The following ZNF226 variants were observed in gnomAD, a reference collection of about 807,000 sequenced individuals.
ZNF226 encodes the protein zinc finger protein 226, also known as Kruppel-associated box protein.
In ZNF226, 6 loss-of-function variants were observed where a neutral mutation model predicts 11.4. The observed-to-expected ratio is 0.53, with a 90% CI of 0.29 to 1.04. ZNF226 has a LOEUF of 1.04. Among genes scored for constraint, ZNF226 ranks in the 50% least tolerant of loss-of-function variants. The pLI, the probability that ZNF226 is intolerant of heterozygous loss-of-function variation, is 0.08. For missense variants in ZNF226, 1,058 were observed against 956.5 expected, an observed-to-expected ratio of 1.11 and a Z score of -1.40; for synonymous variants, 350 against 322.8, an observed-to-expected ratio of 1.08 and a Z score of -0.90.
downstream of ZNF226, chr19:44,177,881 G>A (rs1025174631): frequency 2.3e-5 from 12 of 513,952 alleles, no homozygotes; most frequent in African/African-American, 2.1e-4. Context: ...TTTTTCTCAG[G>A]CCTTTTATAA....
At chr19:44,190,692 A>C in the ZNF226 span, among the ~76,000 whole-genome samples, 4 of 152,336 alleles carry the variant, frequency 2.6e-5, no homozygotes, top group East Asian at 7.7e-4. Flanking sequence ...GGCAGACTTC[A>C]GACTTTGTTT....
chr19:44,166,322 G>A (rs1969370734), intron 2 of ZNF226, among the ~76,000 whole-genome samples: 1 of 152,120 alleles, frequency 6.6e-6, no homozygotes, highest in African/African-American at 2.4e-5. Context: ...CCAACATGGC[G>A]AAACCCCATC....
At position 44,176,238 on chromosome 19, in the gene ZNF226, C is replaced by T; in HGVS notation, c.976C>T (p.Gln326Ter). The change falls in exon 6 of 6, where the codon CAG (glutamine) becomes TAG (stop). Residue 326 changes from glutamine to a stop codon, truncating the protein, a stop_gained. Coordinates refer to ENST00000337433, the MANE Select transcript of ZNF226 (RefSeq NM_001032373.2). LOFTEE classifies it low-confidence loss of function (END_TRUNC). ...TCAGGGCGCTCATCTACAGACCCAT[C>T]AGAAAGTCCACGTGATAGAGAAACC... ...FSQGAHLQTH[Q>*]KVHVIEKPYK... 2 of 1,614,124 alleles carry T rather than the reference C, an allele frequency of 1.2e-6. No homozygotes were observed. The highest frequency in any genetic ancestry group is 2.2e-5 in the East Asian group (1 of 44,888).
At chr19:44,169,834 C>T (rs955826213) in intron 2 of ZNF226, among the ~76,000 whole-genome samples, 3 of 152,184 alleles carry the variant, frequency 2.0e-5, no homozygotes, top group African/African-American at 7.2e-5. Flanking sequence ...GGCAGTGAGG[C>T]CACTGTGTGG....
chr19:44,188,052 A>G, the ZNF226 span, among the ~76,000 whole-genome samples: 6 of 152,116 alleles, frequency 3.9e-5, no homozygotes, highest in African/African-American at 1.4e-4. Flanking sequence ...AACATGGTCT[A>G]TCTTGGAGAA....
At position 44,170,060 on chromosome 19, in the gene ZNF226, C is replaced by T. The variant is rs564949327; in HGVS notation, c.-21C>T. The T allele has an allele frequency of 6.3e-5, 101 of 1,609,208 alleles. No individual in the cohort carries two copies. Among genetic ancestry groups the T allele is most frequent in the South Asian group, 1.7e-4 (15 of 90,468 alleles). ...TTCAGCTTCTTAGGACTCTGCACTT[C>T]CCCAGAAGGAAGAATTAAAAATGAA... On this transcript the variant is annotated 5_prime_UTR_variant, in exon 3 of 6. Transcript: ENST00000337433.
At chr19:44,196,886 T>C in the ZNF226 span, among the ~76,000 whole-genome samples, 4 of 152,152 alleles carry the variant, frequency 2.6e-5, no homozygotes, top group African/African-American at 9.7e-5. Context: ...AAAATGTCCT[T>C]GTCCCTAAAA....
chr19:44,185,014 C>T, the ZNF226 span, among the ~76,000 whole-genome samples: 1 of 152,178 alleles, frequency 6.6e-6, no homozygotes, highest in Admixed American at 6.5e-5. Flanking sequence ...TAGACTCTTA[C>T]AGTATTTGCC....
downstream of ZNF226, chr19:44,177,825 T>C: frequency 1.1e-6 from 1 of 892,866 alleles, no homozygotes; most frequent in South Asian, 2.1e-5. Context: ...GTCAGAACCT[T>C]GACCTTTATA....
rs757325506 is a variant in ZNF226 at position 44,170,094 on chromosome 19, A to G, written c.14A>G (p.Lys5Arg). ...GAAGAATTAAAAATGAATATGTTCA[A>G]GGTGAGTAGAGCTTGCCTTTCCCAG... Reference protein sequence around the residue: MNMFKEAVTFKDVAV... With the variant: MNMFREAVTFKDVAV... The change falls in exon 3 of 6, where the codon AAG becomes AGG. Residue 5 changes from lysine (K) to arginine (R), a missense_variant and splice_region_variant. Physicochemically the swap from Lys to Arg is conservative, Grantham distance 26 (BLOSUM62 2). Transcript: ENST00000337433. 6.2e-7 allele frequency: 1 copy of G among 1,612,642 alleles called. No individual in the cohort carries two copies. Among genetic ancestry groups the G allele is most frequent in the East Asian group, 2.2e-5 (1 of 44,880 alleles).
Position 44,177,188 on chromosome 19 carries a change from A to T in ZNF226, c.1926A>T (p.Pro642=), listed in dbSNP as rs1441015023. ...AGAGAGTCCACAGTGGAGAAAAACC[A>T]TTCAAATGTGAAGAATGTGGGAAGA... ...AHQRVHSGEK[P]FKCEECGKSF... The change falls in exon 6 of 6, where the codon CCA becomes CCT. Residue 642 remains proline, a synonymous_variant. Coordinates refer to ENST00000337433, the MANE Select transcript of ZNF226 (RefSeq NM_001032373.2). The T allele has an allele frequency of 1.9e-6, 3 of 1,613,748 alleles. No homozygotes were observed. Among genetic ancestry groups the T allele is most frequent in the Non-Finnish European group, 2.5e-6 (3 of 1,179,970 alleles).
At chr19:44,181,596 T>C (rs1347903264), downstream of ZNF226, among the ~76,000 whole-genome samples, 1 of 152,162 alleles carries the variant, frequency 6.6e-6, no homozygotes, top group Non-Finnish European at 1.5e-5. Context: ...TTCAGAACTT[T>C]TAGGGTGTCT....
Position 44,177,222 on chromosome 19 carries a change from C to T in ZNF226, c.1960C>T (p.Arg654Trp), listed in dbSNP as rs535521508. ...TGAAGAATGTGGGAAGAGTTTCGGTCGGAGTGCACATCTTCAAGCCCATCA... is the reference window on the plus strand; with the variant it reads ...TGAAGAATGTGGGAAGAGTTTCGGTTGGAGTGCACATCTTCAAGCCCATCA... ...KCEECGKSFG[R>W]SAHLQAHQKV... Residue 654 changes from arginine to tryptophan, a missense_variant, in exon 6 of 6, where the codon CGG (arginine) becomes TGG (tryptophan). Physicochemically the swap from Arg to Trp is moderately radical, Grantham distance 101. Coordinates refer to ENST00000337433, the MANE Select transcript of ZNF226 (RefSeq NM_001032373.2). 88 of 1,613,590 alleles carry T rather than the reference C, an allele frequency of 5.5e-5. No individual in the cohort carries two copies. Among genetic ancestry groups the T allele is most frequent in the Non-Finnish European group, 6.4e-5 (75 of 1,179,932 alleles).
chr19:44,169,442 T>C (rs1390073525), intron 2 of ZNF226: 3 of 152,236 alleles, frequency 2.0e-5, no homozygotes, highest in Admixed American at 1.3e-4. Context: ...TCAGAAGTTA[T>C]AAGACACTTT....
chr19:44,173,977 A>T (rs1653209420), intron 5 of ZNF226: 1 of 152,370 alleles, frequency 6.6e-6, no homozygotes, highest in Middle Eastern at 3.4e-3. Context: ...TAGTCCTAGT[A>T]TATGGCAGAG....
the ZNF226 span, among the ~76,000 whole-genome samples, chr19:44,184,933 C>T: frequency 1.3e-5 from 2 of 152,200 alleles, no homozygotes; most frequent in African/African-American, 4.8e-5. Flanking sequence ...CTCCCCCCTC[C>T]TCCCAGCCCC....
At chr19:44,196,500 A>T in the ZNF226 span, among the ~76,000 whole-genome samples, 1 of 152,124 alleles carries the variant, frequency 6.6e-6, no homozygotes, top group African/African-American at 2.4e-5. Flanking sequence ...GGGACTACCA[A>T]CCTCCTGCTG....
intron 2 of ZNF226, among the ~76,000 whole-genome samples, chr19:44,168,663 G>A (rs537592074): frequency 6.6e-6 from 1 of 152,252 alleles, no homozygotes; most frequent in South Asian, 2.1e-4. Context: ...CAGCAGAGAT[G>A]CCATAAAAGT....
At chr19:44,168,334 A>G (rs1252250680) in intron 2 of ZNF226, among the ~76,000 whole-genome samples, 2 of 152,086 alleles carry the variant, frequency 1.3e-5, no homozygotes, top group Non-Finnish European at 2.9e-5. Flanking sequence ...AGAGCAAGCT[A>G]GAGATAGTGA....
Sources: allele counts gnomAD v4.1 joint callset (sites outside exome capture counted in the v4.1 genomes callset), GRCh38; gene constraint gnomAD v4.1.1; transcripts MANE v1.5; gene names NCBI Gene and HGNC (gene_info 2026-07-23, HGNC 2026-07-21).